PLCB1: variants seen among roughly 807,000 people sequenced by gnomAD.
The protein encoded by PLCB1 is 1-phosphatidylinositol 4,5-bisphosphate phosphodiesterase beta-1.
PLCB1 carries 46 observed loss-of-function variants against 161.8 expected under a neutral mutation model. The ratio of observed to expected loss-of-function variants is 0.28; its 90% confidence interval spans 0.22 to 0.36. The LOEUF (loss-of-function observed/expected upper bound fraction) is 0.36, where lower values mean the gene tolerates loss of function less well. Ranked by LOEUF, PLCB1 falls within the 10% of genes least tolerant of loss-of-function variation. PLCB1 has a pLI of 1.00. For missense variants in PLCB1, 1,016 were observed against 1,472.5 expected, an observed-to-expected ratio of 0.69 and a Z score of 5.07; for synonymous variants, 517 against 503.7, an observed-to-expected ratio of 1.03 and a Z score of -0.35.
chr20:8,237,971 G>C (rs1039857275), intron 2 of PLCB1, among the ~76,000 whole-genome samples: 8 of 152,086 alleles, frequency 5.3e-5, no homozygotes, highest in Admixed American at 4.6e-4. Context: ...TTGAAAGACA[G>C]ACAGATTTGA....
rs559477171 is a variant in PLCB1 at position 8,667,415 on chromosome 20, A to T, written c.862+8711A>T. 2.5e-4 allele frequency among the ~76,000 whole-genome samples: 38 copies of T among 152,186 alleles called. 1 individual carries two copies. The highest frequency in any genetic ancestry group is 3.4e-3 in the Middle Eastern group (1 of 294). On this transcript the variant is annotated intron_variant, in intron 9 of 31. Transcript: ENST00000338037. ...CAGATTGCCTAAGAATGAAAAAAAA[A>T]TTTTTCAAGATCGTCATTGTGGATC...
In PLCB1 at chr20:8,717,837, C is replaced by G. The variant is rs200375635; in HGVS notation, c.1502C>G (p.Ser501Cys). Reference sequence around the variant, plus strand: ...TCCTCCAGCATGTTCGAGCCCTCATCCCCAGGAGCCGGTGAGGGGCTGGTG... The same window carrying G: ...TCCTCCAGCATGTTCGAGCCCTCATGCCCAGGAGCCGGTGAGGGGCTGGTG... ...SDSSSMFEPS[S>C]PGAGEADTES... Residue 501 changes from serine to cysteine, a missense_variant, in exon 14 of 32, where the codon TCC becomes TGC. Transcript: ENST00000338037. 6.2e-7 allele frequency: 1 copy of G among 1,605,712 alleles called. No homozygotes were observed. The highest frequency in any genetic ancestry group is 8.5e-7 in the Non-Finnish European group (1 of 1,177,728).
chr20:8,453,447 G>T (rs1209928372), intron 3 of PLCB1, among the ~76,000 whole-genome samples: 2 of 152,200 alleles, frequency 1.3e-5, no homozygotes, highest in East Asian at 3.9e-4. Context: ...CTATGATGGG[G>T]CTAATAGTAC....
intron 2 of PLCB1, among the ~76,000 whole-genome samples, chr20:8,237,864 G>A (rs1215632420): frequency 6.6e-6 from 1 of 152,006 alleles, no homozygotes; most frequent in Non-Finnish European, 1.5e-5. Flanking sequence ...AAACAATGAA[G>A]TGTCAACTTT....
intron 3 of PLCB1, among the ~76,000 whole-genome samples, chr20:8,410,865 A>G (rs1979012045): frequency 6.6e-6 from 1 of 152,188 alleles, no homozygotes; most frequent in African/African-American, 2.4e-5. Flanking sequence ...GATTTGACAC[A>G]GACAGAGGAG....
chr20:8,317,523 T>TC (rs937996146), intron 2 of PLCB1, among the ~76,000 whole-genome samples: 1 of 146,358 alleles, frequency 6.8e-6, no homozygotes, highest in African/African-American at 2.5e-5. Flanking sequence ...CACCCCCCCA[T>TC]CCCCCCGACA....
chr20:8,343,517 G>C (rs1226054576), intron 2 of PLCB1, among the ~76,000 whole-genome samples: 1 of 151,956 alleles, frequency 6.6e-6, no homozygotes, highest in Non-Finnish European at 1.5e-5. Context: ...TCTGTCACCT[G>C]TACTTCATTG....
chr20:8,338,449 A>T (rs991440620), intron 2 of PLCB1, among the ~76,000 whole-genome samples: 1 of 152,136 alleles, frequency 6.6e-6, no homozygotes, highest in African/African-American at 2.4e-5. Context: ...TAGAAAGGGC[A>T]CCTCTGATGG....
intron 31 of PLCB1, among the ~76,000 whole-genome samples, chr20:8,807,585 A>G (rs1320840045): frequency 1.3e-5 from 2 of 151,616 alleles, no homozygotes; most frequent in Non-Finnish European, 2.9e-5. Flanking sequence ...CTTTTAATTC[A>G]ACCAATAGTT....
At chr20:8,674,878 T>G (rs2123371631) in intron 9 of PLCB1, among the ~76,000 whole-genome samples, 1 of 152,284 alleles carries the variant, frequency 6.6e-6, no homozygotes, top group African/African-American at 2.4e-5. Context: ...TAAGAGGGAC[T>G]GGTGAAGGAT....
intron 3 of PLCB1, among the ~76,000 whole-genome samples, chr20:8,462,734 A>G (rs1315274034): frequency 1.3e-5 from 2 of 152,062 alleles, no homozygotes; most frequent in African/African-American, 4.8e-5. Flanking sequence ...CTATGGAAGG[A>G]AAATAGTTCA....
chr20:8,404,370 A>C (rs1978695742), intron 3 of PLCB1, among the ~76,000 whole-genome samples: 1 of 152,192 alleles, frequency 6.6e-6, no homozygotes, highest in Non-Finnish European at 1.5e-5. Context: ...TTTTACACTA[A>C]TTCCAACTTT....
At chr20:8,550,980 G>C (rs917345486) in intron 3 of PLCB1, among the ~76,000 whole-genome samples, 1 of 152,128 alleles carries the variant, frequency 6.6e-6, no homozygotes, top group African/African-American at 2.4e-5. Flanking sequence ...AGGAATGACA[G>C]GCATTAAGAC....
chr20:8,348,113 G>T (rs528245829), intron 2 of PLCB1, among the ~76,000 whole-genome samples: 1 of 152,342 alleles, frequency 6.6e-6, no homozygotes, highest in South Asian at 2.1e-4. Flanking sequence ...TGTTGGGGAA[G>T]AGGTGTTTGT....
At chr20:8,332,169 G>A (rs534104784) in intron 2 of PLCB1, among the ~76,000 whole-genome samples, 1 of 152,316 alleles carries the variant, frequency 6.6e-6, no homozygotes, top group South Asian at 2.1e-4. Context: ...GTATTTAAAT[G>A]AACATGATTC....
At chr20:8,677,956 T>C (rs1990127339) in intron 9 of PLCB1, among the ~76,000 whole-genome samples, 1 of 152,062 alleles carries the variant, frequency 6.6e-6, no homozygotes, top group African/African-American at 2.4e-5. Flanking sequence ...TAGCACAGAA[T>C]AGAAGTGAAG....
intron 3 of PLCB1, among the ~76,000 whole-genome samples, chr20:8,533,109 C>T (rs1335506078): frequency 2.7e-5 from 4 of 150,342 alleles, no homozygotes; most frequent in African/African-American, 4.9e-5. Flanking sequence ...TGAGAACATG[C>T]GGTGTTTGGT....
At chr20:8,327,330 A>G (rs980262765) in intron 2 of PLCB1, among the ~76,000 whole-genome samples, 1 of 152,230 alleles carries the variant, frequency 6.6e-6, no homozygotes, top group African/African-American at 2.4e-5. Context: ...TTACAGCACC[A>G]TGTCCTCATT....
rs189896917 is a variant in PLCB1, at chr20:8,229,759, A to G, written c.177+79388A>G. On this transcript the variant is annotated intron_variant, in intron 2 of 31. Transcript: ENST00000338037. ...ATCTGAGCTGGGTGCAGTGGTTCAT[A>G]CCTGTAATCCCAGTACTTTGGGAGG... Among the ~76,000 whole-genome samples, 501 of 148,840 alleles carry G rather than the reference A, an allele frequency of 3.4e-3. 3 individuals carry two copies. Among genetic ancestry groups the G allele is most frequent in the African/African-American group, 9.8e-3 (392 of 40,118 alleles).
Sources: allele counts gnomAD v4.1 joint callset (sites outside exome capture counted in the v4.1 genomes callset), GRCh38; gene constraint gnomAD v4.1.1; transcripts MANE v1.5; gene names NCBI Gene and HGNC (gene_info 2026-07-23, HGNC 2026-07-21).